Variants in TP53BP1 observed in about 807,000 individuals in gnomAD.
TP53BP1 encodes the protein TP53-binding protein 1.
Under a neutral mutation model 200.8 loss-of-function variants are expected in TP53BP1, and 61 were observed. The observed-to-expected ratio is 0.30, with a 90% CI of 0.25 to 0.38. The LOEUF is 0.38. Ranked by LOEUF, TP53BP1 falls within the 10% of genes least tolerant of loss-of-function variation. The pLI is 1.00. For synonymous variants in TP53BP1, 822 were observed against 844.3 expected (o/e 0.97, Z 0.46); for missense variants, 2,144 against 2,371.9 (o/e 0.90, Z 2.00).
At chr15:43,457,778 G>C in intron 11 of TP53BP1, among the ~76,000 whole-genome samples, 1 of 151,574 alleles carries the variant, frequency 6.6e-6, no homozygotes, top group African/African-American at 2.4e-5. Context: ...CAGCATTTTG[G>C]GAGGCTGAGG....
Position 43,404,472 on chromosome 15 carries a change from G to T in TP53BP1, c.*2911C>A. 1 of 1,614,128 alleles carries T rather than the reference G, an allele frequency of 6.2e-7. No individual in the cohort carries two copies. Among genetic ancestry groups the T allele is most frequent in the South Asian group, 1.1e-5 (1 of 91,082 alleles). On this transcript the variant is annotated 3_prime_UTR_variant, in exon 28 of 28. Coordinates refer to ENST00000382044, the MANE Select transcript of TP53BP1 (RefSeq NM_001141980.3). ...TTCTCTCCAGTGTTCGGAATCATCA[G>T]ATCAACTCAGATTTGGCTCAACTAC... is the stretch of plus-strand genomic sequence containing the variant.
At chr15:43,479,762 A>G in intron 6 of TP53BP1, 97 bp downstream of exon 6, 1 of 1,435,214 alleles carries the variant, frequency 7.0e-7, no homozygotes, top group Non-Finnish European at 9.5e-7. Flanking sequence ...AGATTATATT[A>G]ATTTGGATAG....
chr15:43,445,500 T>G (rs1289518206), intron 14 of TP53BP1, among the ~76,000 whole-genome samples: 1 of 152,114 alleles, frequency 6.6e-6, no homozygotes, highest in African/African-American at 2.4e-5. Context: ...AATGAAAAAA[T>G]TATAAGCTTC....
At chr15:43,426,889 G>A (rs1234783645) in intron 18 of TP53BP1, among the ~76,000 whole-genome samples, 11 of 151,208 alleles carry the variant, frequency 7.3e-5, no homozygotes, top group Admixed American at 3.3e-4. Context: ...ACGGTGGCGG[G>A]TGCCTGCAAT....
chr15:43,422,023 GAGA>G lies in TP53BP1; in HGVS notation c.3929_3931del (p.Phe1310del). 2 of 1,614,224 alleles carry G rather than the reference GAGA, an allele frequency of 1.2e-6. No homozygotes were observed. The highest frequency in any genetic ancestry group is 2.2e-5 in the East Asian group (1 of 44,888). ...GCGGTGTAAGCTGGATGCCTTGGAG[GAGA>G]AGGAGCTGATATCCCCCAGGTCACC... On this transcript the variant is annotated inframe_deletion, in exon 19 of 28. Coordinates refer to ENST00000382044, the MANE Select transcript of TP53BP1 (RefSeq NM_001141980.3).
chr15:43,448,981 G>A (rs189623295), intron 12 of TP53BP1, among the ~76,000 whole-genome samples: 4 of 152,140 alleles, frequency 2.6e-5, no homozygotes, highest in Non-Finnish European at 5.9e-5. Context: ...ACAAAAATTA[G>A]CTGGGTGTAG....
intron 11 of TP53BP1, among the ~76,000 whole-genome samples, chr15:43,460,876 AT>A (rs1490492419): frequency 1.3e-5 from 2 of 150,020 alleles, no homozygotes; most frequent in Non-Finnish European, 3.0e-5. Context: ...AAAAAAAAAC[AT>A]TAGCTGAGTG....
chr15:43,459,990 T>C (rs781328240), intron 11 of TP53BP1, among the ~76,000 whole-genome samples: 7 of 152,194 alleles, frequency 4.6e-5, no homozygotes, highest in Non-Finnish European at 8.8e-5. Flanking sequence ...CAAAAGGTTA[T>C]AAGGAAACTT....
chr15:43,458,917 T>C (rs2046364356), intron 11 of TP53BP1, among the ~76,000 whole-genome samples: 1 of 152,222 alleles, frequency 6.6e-6, no homozygotes. Flanking sequence ...GGCAGTATCT[T>C]ATAAAGTTGA....
intron 10 of TP53BP1, 54 bp downstream of exon 10, chr15:43,474,619 A>G: frequency 1.5e-6 from 2 of 1,290,966 alleles, no homozygotes; most frequent in Non-Finnish European, 2.2e-6. Context: ...CAAGGCAGAA[A>G]AAGTGTTGCT....
chr15:43,486,412 T>A (rs965147267), intron 4 of TP53BP1, among the ~76,000 whole-genome samples: 7 of 152,064 alleles, frequency 4.6e-5, no homozygotes, highest in Middle Eastern at 3.4e-3. Flanking sequence ...ATTGGGAGGG[T>A]GTTGCTGAGT....
chr15:43,409,055 A>G lies in TP53BP1; in HGVS notation c.5442T>C (p.His1814=). The G allele has an allele frequency of 6.2e-7, 1 of 1,614,244 alleles. No individual in the cohort carries two copies. Among genetic ancestry groups the G allele is most frequent in the Non-Finnish European group, 8.5e-7 (1 of 1,180,042 alleles). Residue 1814 remains histidine, a synonymous_variant, in exon 26 of 28, where the codon CAT becomes CAC. Coordinates refer to ENST00000382044, the MANE Select transcript of TP53BP1 (RefSeq NM_001141980.3). ...AYQCLLIADQ[H]CRTRKYFLCL... ...ACAGGAAGTACTTCCGGGTTCGACA[A>G]TGCTGATCCGCAATTAGAAGACACT...
At chr15:43,496,955 A>G (rs1281141101), upstream of TP53BP1, among the ~76,000 whole-genome samples, 1 of 152,196 alleles carries the variant, frequency 6.6e-6, no homozygotes. Context: ...TCAAATCTTC[A>G]CATCCAAGTA....
chr15:43,491,738 G>A lies in TP53BP1; in HGVS notation c.302C>T (p.Ser101Phe), dbSNP rs1027436739. Residue 101 changes from serine (S) to phenylalanine (F), a missense_variant, in exon 4 of 28, where the codon TCT becomes TTT. Coordinates refer to ENST00000382044, the MANE Select transcript of TP53BP1 (RefSeq NM_001141980.3). ...GATGGAACCACATGTGTCCAAGTTAGAAGAATCCACAGGGTCTGAAAAAAA... is the reference window on the plus strand; with the variant it reads ...GATGGAACCACATGTGTCCAAGTTAAAAGAATCCACAGGGTCTGAAAAAAA... ...ENKVADPVDS[S>F]NLDTCGSISQ... 2 of 1,613,954 alleles carry A rather than the reference G, an allele frequency of 1.2e-6. No individual in the cohort carries two copies. The highest frequency in any genetic ancestry group is 3.3e-4 in the Middle Eastern group (2 of 6,062).
At chr15:43,474,616 G>GA in intron 10 of TP53BP1, 57 bp downstream of exon 10, 2 of 1,267,736 alleles carry the variant, frequency 1.6e-6, no homozygotes, top group Non-Finnish European at 2.3e-6. Context: ...TTGCAAGGCA[G>GA]AAAAAGTGTT....
chr15:43,409,011 G>C lies in TP53BP1; in HGVS notation c.5486C>G (p.Pro1829Arg). 1 of 1,614,184 alleles carries C rather than the reference G, an allele frequency of 6.2e-7. No homozygotes were observed. The highest frequency in any genetic ancestry group is 2.2e-5 in the East Asian group (1 of 44,882). Residue 1829 changes from proline to arginine, a missense_variant, in exon 26 of 28, where the codon CCT (proline) becomes CGT (arginine). Around this residue, in one of 4 missense-constraint regions of TP53BP1, gnomAD observed 334 missense variants for 453.4 expected, o/e 0.74. Coordinates refer to ENST00000382044, the MANE Select transcript of TP53BP1 (RefSeq NM_001141980.3). ...KYFLCLASGIPCVSHVWVHDS... is the reference protein window; with the variant it reads ...KYFLCLASGIRCVSHVWVHDS... The stretch of plus-strand genomic sequence containing the variant: ...ATGGACCCAGACATGAGACACACAA[G>C]GAATCCCACTGGCAAGGCACAGGAA...
At chr15:43,435,847 G>A (rs1329199624) in intron 16 of TP53BP1, among the ~76,000 whole-genome samples, 1 of 151,948 alleles carries the variant, frequency 6.6e-6, no homozygotes, top group Non-Finnish European at 1.5e-5. Flanking sequence ...AAGCGTGGAC[G>A]ACCCTGCCTG....
intron 8 of TP53BP1, 105 bp from the exon 9 acceptor site, chr15:43,475,799 C>T: frequency 7.3e-7 from 1 of 1,373,678 alleles, no homozygotes; most frequent in South Asian, 1.4e-5. Flanking sequence ...AACATATTTC[C>T]ATATTTCCAA....
chr15:43,403,544 C>T lies in TP53BP1; in HGVS notation c.*3839G>A, dbSNP rs536703532. On this transcript the variant is annotated 3_prime_UTR_variant, in exon 28 of 28. Transcript: ENST00000382044. ...GTCTGAGGGGCTGGCAGGCCTTGCACGTGGCAGTGTCTATCCTGTCAGATT... is the reference window on the plus strand; with the variant it reads ...GTCTGAGGGGCTGGCAGGCCTTGCATGTGGCAGTGTCTATCCTGTCAGATT... 40 of 640,194 alleles carry T rather than the reference C, an allele frequency of 6.2e-5. No individual in the cohort carries two copies. Among genetic ancestry groups the T allele is most frequent in the South Asian group, 4.7e-4 (23 of 48,770 alleles). 39.7% of individuals were successfully genotyped at this position (640,194 alleles called of 1,614,324 possible).
Sources: allele counts gnomAD v4.1 joint callset (sites outside exome capture counted in the v4.1 genomes callset), GRCh38; gene constraint gnomAD v4.1.1; regional missense constraint gnomAD v4.1.1; transcripts MANE v1.5; gene names NCBI Gene and HGNC (gene_info 2026-07-23, HGNC 2026-07-21).